The following DIXDC1 variants were observed in gnomAD, a reference collection of about 807,000 sequenced individuals.
The protein encoded by DIXDC1 is dixin.
DIXDC1 carries 64 observed loss-of-function variants against 103.1 expected under a neutral mutation model. The observed-to-expected ratio is 0.62, with a 90% CI of 0.51 to 0.76. The LOEUF is 0.76. Among genes scored for constraint, DIXDC1 ranks in the 30% least tolerant of loss-of-function variants. The probability of loss-of-function intolerance (pLI) is 0.00; values close to 1 mark genes in which losing one functional copy is unlikely to be tolerated. For synonymous variants in DIXDC1, 266 were observed against 298.5 expected, an observed-to-expected ratio of 0.89 and a Z score of 1.12; for missense variants, 759 against 834.2, an observed-to-expected ratio of 0.91 and a Z score of 1.11.
chr11:111,974,939 G>C lies in DIXDC1; in HGVS notation c.612G>C (p.Gln204His). ...GGAGTGTGCGGGCCCTAGTGCAGCA[G>C]TACGAAGGGCAACAAAGGTCCCCGT... ...PYWSVRALVQQYEGQQRSPSE... is the reference protein window; with the variant it reads ...PYWSVRALVQHYEGQQRSPSE... The change falls in exon 5 of 20, where the codon CAG becomes CAC. Residue 204 changes from glutamine to histidine, a missense_variant. Around this residue, in one of 3 missense-constraint regions of DIXDC1, gnomAD observed 657 missense variants for 727.5 expected, o/e 0.90. Transcript: ENST00000440460. The C allele has an allele frequency of 4.3e-6, 7 of 1,613,532 alleles. No homozygotes were observed. The highest frequency in any genetic ancestry group is 5.9e-6 in the Non-Finnish European group (7 of 1,179,794).
intron 1 of DIXDC1, among the ~76,000 whole-genome samples, chr11:111,953,165 A>G (rs782492982): frequency 5.3e-5 from 8 of 152,170 alleles, no homozygotes; most frequent in Admixed American, 3.9e-4. Context: ...AGGAACATAC[A>G]TGTATCTGTT....
rs1555168310 is a variant in DIXDC1, at chr11:111,937,489, C to T, written c.-11C>T. The T allele has an allele frequency of 6.3e-7, 1 of 1,578,666 alleles. No individual in the cohort carries two copies. Among genetic ancestry groups the T allele is most frequent in the Non-Finnish European group, 8.6e-7 (1 of 1,162,844 alleles). ...CTGGAGACCCCGCCCGGGGAGCCCCCAGCAGGAACAATGCTAGCCTGCCTG... is the reference window on the plus strand; with the variant it reads ...CTGGAGACCCCGCCCGGGGAGCCCCTAGCAGGAACAATGCTAGCCTGCCTG... On this transcript the variant is annotated 5_prime_UTR_variant, in exon 1 of 20. Coordinates refer to ENST00000440460, the MANE Select transcript of DIXDC1 (RefSeq NM_001037954.4).
Position 111,974,960 on chromosome 11 carries a change from C to T in DIXDC1, c.633C>T (p.Ser211=). 6.2e-7 allele frequency: 1 copy of T among 1,612,824 alleles called. No individual in the cohort carries two copies. The highest frequency in any genetic ancestry group is 8.5e-7 in the Non-Finnish European group (1 of 1,179,576). The change falls in exon 5 of 20, where the codon TCC becomes TCT. Residue 211 remains serine, a synonymous_variant. Coordinates refer to ENST00000440460, the MANE Select transcript of DIXDC1 (RefSeq NM_001037954.4). ...AGCAGTACGAAGGGCAACAAAGGTC[C>T]CCGTCTGAATCCAGCTGCTCCAGGT... The part of the protein sequence containing the change: ...LVQQYEGQQR[S]PSESSCSSLT...
chr11:111,995,307 A>G (rs1381800847), intron 15 of DIXDC1, 96 bp from the exon 16 acceptor site: 2 of 1,524,830 alleles, frequency 1.3e-6, no homozygotes, highest in East Asian at 4.5e-5. Context: ...CTGTGGGGGA[A>G]AAATCTTCTG....
At chr11:112,005,879 A>C (rs1286114033) in intron 17 of DIXDC1, among the ~76,000 whole-genome samples, 2 of 152,138 alleles carry the variant, frequency 1.3e-5, no homozygotes, top group Admixed American at 6.5e-5. Flanking sequence ...GTGGCTTATG[A>C]CTATAATCCC....
Position 111,976,394 on chromosome 11 carries a change from G to A in DIXDC1, c.656+1411G>A, listed in dbSNP as rs1555172609. 6.6e-6 allele frequency among the ~76,000 whole-genome samples: 1 copy of A among 152,154 alleles called. No individual in the cohort carries two copies. Among genetic ancestry groups the A allele is most frequent in the African/African-American group, 2.4e-5 (1 of 41,430 alleles). On this transcript the variant is annotated intron_variant, in intron 5 of 19. Coordinates refer to ENST00000440460, the MANE Select transcript of DIXDC1 (RefSeq NM_001037954.4). This position sits in a 1 kb window ranked among gnomAD's most constrained non-coding sequence, Gnocchi z 4.3. Reference sequence around the variant, plus strand: ...GCTATCAGGCTGCAGTGAGCTAATGGTGACAGTTTTCTAGGAGAGGGGCCA... The same window carrying A: ...GCTATCAGGCTGCAGTGAGCTAATGATGACAGTTTTCTAGGAGAGGGGCCA...
At chr11:111,937,688 G>C in intron 1 of DIXDC1, 129 bp downstream of exon 1, 1 of 915,978 alleles carries the variant, frequency 1.1e-6, no homozygotes. Context: ...GAACCCCAAA[G>C]GGGCTAAGGT....
chr11:111,985,008 G>T (rs1860441521), intron 7 of DIXDC1, among the ~76,000 whole-genome samples: 1 of 152,212 alleles, frequency 6.6e-6, no homozygotes, highest in Admixed American at 6.5e-5. Flanking sequence ...TTGAAGCAGA[G>T]CAGTCAGGTG....
intron 17 of DIXDC1, among the ~76,000 whole-genome samples, chr11:111,997,311 T>C (rs1555175483): frequency 6.6e-6 from 1 of 152,178 alleles, no homozygotes; most frequent in Non-Finnish European, 1.5e-5. Flanking sequence ...GATGAGGTTA[T>C]CTATGCTGGG....
rs782282166 is a variant in DIXDC1, at chr11:112,020,965, C to T, written c.*1929C>T. On this transcript the variant is annotated 3_prime_UTR_variant, in exon 20 of 20. Coordinates refer to ENST00000440460, the MANE Select transcript of DIXDC1 (RefSeq NM_001037954.4). ...AAAAGTCCTCATGTCACCAATTTCTCTGTTGCATGAATTTTAGTGTTTTGC... is the reference window on the plus strand; with the variant it reads ...AAAAGTCCTCATGTCACCAATTTCTTTGTTGCATGAATTTTAGTGTTTTGC... The T allele has an allele frequency of 3.9e-5, 6 of 152,234 alleles. No individual in the cohort carries two copies. The highest frequency in any genetic ancestry group is 8.8e-5 in the Non-Finnish European group (6 of 68,034). The allele number at this position is 152,234 out of a possible 1,614,324, so 9.4% of individuals were successfully genotyped here.
At chr11:111,960,449 G>T (rs587720754) in intron 1 of DIXDC1, among the ~76,000 whole-genome samples, 1 of 150,960 alleles carries the variant, frequency 6.6e-6, no homozygotes, top group East Asian at 2.0e-4. Flanking sequence ...CAGAAATTAG[G>T]TGGGCATGGT....
chr11:111,950,442 T>A (rs11214052), intron 1 of DIXDC1, among the ~76,000 whole-genome samples: 243 of 12,364 alleles, frequency 0.02, no homozygotes, highest in Middle Eastern at 0.038. Context: ...ATATATATTT[T>A]TTTTTTTTTT....
intron 1 of DIXDC1, among the ~76,000 whole-genome samples, chr11:111,951,549 C>T (rs1966805164): frequency 6.6e-6 from 1 of 152,034 alleles, no homozygotes; most frequent in Non-Finnish European, 1.5e-5. Flanking sequence ...TATGAATATC[C>T]ATGAGATTTG....
upstream of DIXDC1, among the ~76,000 whole-genome samples, chr11:111,934,611 A>C (rs2137427780): frequency 6.6e-6 from 1 of 152,308 alleles, no homozygotes; most frequent in East Asian, 1.9e-4. Context: ...TCTTATGTTG[A>C]TATTACAACA....
chr11:111,992,329 A>G, intron 10 of DIXDC1, 86 bp from the exon 11 acceptor site: 2 of 1,213,966 alleles, frequency 1.6e-6, no homozygotes, highest in Non-Finnish European at 2.3e-6. Context: ...AATGCTGGAA[A>G]CACATTAAAG....
chr11:111,929,947 A>G, intron 2 of DIXDC1: 1 of 1,515,916 alleles, frequency 6.6e-7, no homozygotes, highest in Non-Finnish European at 8.9e-7. Flanking sequence ...AAGCGTGATG[A>G]TGTTACTGGA....
intron 5 of DIXDC1, among the ~76,000 whole-genome samples, chr11:111,979,485 T>A (rs1860227373): frequency 6.6e-6 from 1 of 152,218 alleles, no homozygotes; most frequent in Non-Finnish European, 1.5e-5. Flanking sequence ...TGAGATTCTT[T>A]CAGTGCTGAT....
At position 111,937,470 on chromosome 11, in the gene DIXDC1, A is replaced by G. The variant is rs1966247193; in HGVS notation, c.-30A>G. The G allele has an allele frequency of 6.4e-7, 1 of 1,562,396 alleles. No individual in the cohort carries two copies. Among genetic ancestry groups the G allele is most frequent in the Non-Finnish European group, 8.7e-7 (1 of 1,154,346 alleles). On this transcript the variant is annotated 5_prime_UTR_variant, in exon 1 of 20. Coordinates refer to ENST00000440460, the MANE Select transcript of DIXDC1 (RefSeq NM_001037954.4). ...GGCGGCGGCGGCCGCCGGGCTGGAGACCCCGCCCGGGGAGCCCCCAGCAGG... is the reference window on the plus strand; with the variant it reads ...GGCGGCGGCGGCCGCCGGGCTGGAGGCCCCGCCCGGGGAGCCCCCAGCAGG...
intron 1 of DIXDC1, among the ~76,000 whole-genome samples, chr11:111,940,225 C>T (rs1214044669): frequency 5.9e-5 from 9 of 152,250 alleles, no homozygotes; most frequent in African/African-American, 2.2e-4. Flanking sequence ...TCTCTTACCG[C>T]ATTTCCTACA....
Sources: gnomAD v4.1 joint callset for allele counts (sites outside exome capture counted in the v4.1 genomes callset) on GRCh38, gnomAD v4.1.1 for gene constraint, gnomAD v4.1.1 regional missense constraint, Gnocchi (gnomAD v3.1) non-coding constraint, MANE v1.5 for transcripts, NCBI Gene and HGNC (gene_info 2026-07-23, HGNC 2026-07-21) for gene names.